Variants in SNTG1 observed in about 807,000 individuals in gnomAD.
SNTG1 encodes gamma-1-syntrophin.
In SNTG1, 39 loss-of-function variants were observed where a neutral mutation model predicts 74.7. The observed-to-expected ratio is 0.52, with a 90% CI of 0.40 to 0.68. The LOEUF is 0.68. SNTG1 is among the 30% of genes least tolerant of loss of function. The pLI, the probability that SNTG1 is intolerant of heterozygous loss-of-function variation, is 0.00. For missense variants in SNTG1, 685 were observed against 609.5 expected (o/e 1.12, Z -1.30); for synonymous variants, 254 against 217.1 (o/e 1.17, Z -1.49).
chr8:49,922,161 C>T (rs116449212), intron 1 of SNTG1, among the ~76,000 whole-genome samples: 1,787 of 152,142 alleles, frequency 0.012, 34 homozygotes, highest in African/African-American at 0.04. Flanking sequence ...ATAAACTGGC[C>T]CTGTCTGTTC....
At chr8:50,368,600 C>T (rs139390805) in intron 2 of SNTG1, among the ~76,000 whole-genome samples, 66 of 152,168 alleles carry the variant, frequency 4.3e-4, no homozygotes, top group South Asian at 2.7e-3. Flanking sequence ...ATCAAAGATC[C>T]GGCCCGTTTG....
At chr8:50,639,874 A>T (rs556721636) in intron 13 of SNTG1, among the ~76,000 whole-genome samples, 2 of 152,042 alleles carry the variant, frequency 1.3e-5, no homozygotes, top group Non-Finnish European at 2.9e-5. Flanking sequence ...CCCATCTGTA[A>T]TCAGTATTTA....
intron 3 of SNTG1, among the ~76,000 whole-genome samples, chr8:50,400,280 G>A (rs1190682639): frequency 6.6e-6 from 1 of 152,104 alleles, no homozygotes; most frequent in Non-Finnish European, 1.5e-5. Context: ...TCTATGCCTG[G>A]CAATTTTTAC....
intron 2 of SNTG1, among the ~76,000 whole-genome samples, chr8:50,392,678 T>C (rs1163991484): frequency 6.6e-6 from 1 of 152,158 alleles, no homozygotes; most frequent in Non-Finnish European, 1.5e-5. Flanking sequence ...GAATTACTTT[T>C]CTGAACAAAC....
intron 2 of SNTG1, among the ~76,000 whole-genome samples, chr8:50,334,262 C>T (rs1331408206): frequency 6.6e-6 from 1 of 152,154 alleles, no homozygotes; most frequent in African/African-American, 2.4e-5. Context: ...TTGAATTCAG[C>T]CTCTTGCCAT....
chr8:50,482,136 A>G (rs1425556917), intron 8 of SNTG1, among the ~76,000 whole-genome samples: 1 of 152,146 alleles, frequency 6.6e-6, no homozygotes, highest in Non-Finnish European at 1.5e-5. Flanking sequence ...CCTCCCACTA[A>G]GTTGTAGCTG....
intron 8 of SNTG1, among the ~76,000 whole-genome samples, chr8:50,486,051 G>C (rs2093790471): frequency 6.6e-6 from 1 of 152,360 alleles, no homozygotes; most frequent in African/African-American, 2.4e-5. Flanking sequence ...GGTTACTGTA[G>C]CCTTGTAGTA....
intron 1 of SNTG1, among the ~76,000 whole-genome samples, chr8:49,965,635 C>T (rs147892476): frequency 1.1e-4 from 16 of 152,266 alleles, no homozygotes; most frequent in Admixed American, 6.5e-4. Flanking sequence ...TGTTGTCATG[C>T]GCCTTGATTG....
At chr8:50,509,275 T>A (rs1316666810) in intron 9 of SNTG1, among the ~76,000 whole-genome samples, 3 of 152,156 alleles carry the variant, frequency 2.0e-5, no homozygotes, top group African/African-American at 7.2e-5. Context: ...GTTCCATTGG[T>A]CTCTATCTCT....
intron 12 of SNTG1, among the ~76,000 whole-genome samples, chr8:50,572,041 A>G (rs563870609): frequency 6.6e-6 from 1 of 152,238 alleles, no homozygotes; most frequent in South Asian, 2.1e-4. Flanking sequence ...TAATATACCA[A>G]TGGTAAAACT....
At chr8:49,962,575 T>C (rs1192718338) in intron 1 of SNTG1, among the ~76,000 whole-genome samples, 12 of 151,914 alleles carry the variant, frequency 7.9e-5, no homozygotes, top group Non-Finnish European at 4.4e-5. Flanking sequence ...AGACAGTAGA[T>C]GCATCCTGCC....
At chr8:50,414,232 A>G (rs1587533240) in intron 4 of SNTG1, among the ~76,000 whole-genome samples, 1 of 152,196 alleles carries the variant, frequency 6.6e-6, no homozygotes, top group East Asian at 1.9e-4. Context: ...AGGGGCTATT[A>G]GCAACCCAGA....
intron 8 of SNTG1, among the ~76,000 whole-genome samples, chr8:50,471,153 G>C (rs1433581190): frequency 2.0e-5 from 3 of 152,012 alleles, no homozygotes; most frequent in Non-Finnish European, 2.9e-5. Context: ...AGCCCAGCCG[G>C]CTTAACCTCT....
At chr8:49,940,886 G>A (rs1285642585) in intron 1 of SNTG1, among the ~76,000 whole-genome samples, 4 of 152,172 alleles carry the variant, frequency 2.6e-5, no homozygotes, top group Non-Finnish European at 5.9e-5. Context: ...GGTCAGGAAT[G>A]ACTGCTCTGA....
At chr8:50,558,730 G>T (rs2094470682) in intron 12 of SNTG1, among the ~76,000 whole-genome samples, 1 of 151,194 alleles carries the variant, frequency 6.6e-6, no homozygotes, top group Admixed American at 6.6e-5. Flanking sequence ...GATATTTGTA[G>T]AGTATCAGAA....
At chr8:50,244,046 G>A (rs186467603) in intron 2 of SNTG1, among the ~76,000 whole-genome samples, 6 of 152,244 alleles carry the variant, frequency 3.9e-5, no homozygotes, top group Admixed American at 3.3e-4. Context: ...GGCTATATGA[G>A]CATGTTGCTG....
chr8:50,385,675 A>G (rs1282209465), intron 2 of SNTG1, among the ~76,000 whole-genome samples: 2 of 152,200 alleles, frequency 1.3e-5, no homozygotes, highest in African/African-American at 4.8e-5. Context: ...CAGTGAGGGT[A>G]TATTGCTGTC....
chr8:50,411,657 G>GA (rs1344630735), intron 4 of SNTG1, among the ~76,000 whole-genome samples: 2 of 151,990 alleles, frequency 1.3e-5, no homozygotes, highest in Admixed American at 6.6e-5. Flanking sequence ...TTGTTAAATT[G>GA]AAAAGACAGT....
intron 1 of SNTG1, among the ~76,000 whole-genome samples, chr8:50,145,564 G>T (rs2081830448): frequency 6.6e-6 from 1 of 152,136 alleles, no homozygotes; most frequent in South Asian, 2.1e-4. Context: ...TAGGGATGAA[G>T]CCTGACTGCA....
Sources: gnomAD v4.1 joint callset for allele counts (sites outside exome capture counted in the v4.1 genomes callset) on GRCh38, gnomAD v4.1.1 for gene constraint, MANE v1.5 for transcripts, NCBI Gene and HGNC (gene_info 2026-07-23, HGNC 2026-07-21) for gene names.